Variants in LRRTM4 observed in about 807,000 individuals in gnomAD.
LRRTM4 encodes the protein leucine rich repeat transmembrane neuronal 4, also known as leucine-rich repeat transmembrane neuronal protein 4.
LRRTM4 carries 25 observed loss-of-function variants against 47.6 expected under a neutral mutation model. The observed-to-expected ratio is 0.53, with a 90% confidence interval of 0.38 to 0.73. The LOEUF is 0.73. LRRTM4 is among the 30% of genes least tolerant of loss of function. The pLI is 0.00. For synonymous variants in LRRTM4, 311 were observed against 269.5 expected, an observed-to-expected ratio of 1.15 and a Z score of -1.51; for missense variants, 638 against 713.4, an observed-to-expected ratio of 0.89 and a Z score of 1.20.
At position 77,131,473 on chromosome 2, in the gene LRRTM4, A is replaced by G. The variant is rs78622465; in HGVS notation, c.1552-382557T>C. Among the ~76,000 whole-genome samples, 1,463 of 152,326 alleles carry G rather than the reference A, an allele frequency of 9.6e-3. 20 individuals carry two copies. The highest frequency in any genetic ancestry group is 0.037 in the Middle Eastern group (11 of 294). ...GATGGAGTTAGCCTGTCTTTTGCTC[A>G]GTAATATAAACACATGTGTTTGGGA... On this transcript the variant is annotated intron_variant, in intron 3 of 3. Coordinates refer to ENST00000409884, the MANE Select transcript of LRRTM4 (RefSeq NM_001134745.3).
chr2:77,389,881 C>G (rs1336151226), intron 3 of LRRTM4, among the ~76,000 whole-genome samples: 1 of 151,956 alleles, frequency 6.6e-6, no homozygotes, highest in Admixed American at 6.6e-5. Flanking sequence ...TTATGTGAAT[C>G]TAATGGAGAG....
At chr2:77,206,882 G>A (rs769423869) in intron 3 of LRRTM4, among the ~76,000 whole-genome samples, 5 of 151,918 alleles carry the variant, frequency 3.3e-5, no homozygotes, top group Admixed American at 6.6e-5. Context: ...TTAAGGCAGC[G>A]TGGGTCACAT....
intron 3 of LRRTM4, among the ~76,000 whole-genome samples, chr2:77,042,421 T>A (rs1679065347): frequency 6.6e-6 from 1 of 151,600 alleles, no homozygotes; most frequent in Non-Finnish European, 1.5e-5. Context: ...AAAAAGTTAT[T>A]TTTTAAAAAG....
intron 3 of LRRTM4, among the ~76,000 whole-genome samples, chr2:77,076,622 G>A (rs1259288916): frequency 1.3e-5 from 2 of 152,144 alleles, no homozygotes; most frequent in Non-Finnish European, 2.9e-5. Context: ...TTGAAATGAA[G>A]CATGGTTAAT....
chr2:76,969,060 T>C (rs545245873), intron 3 of LRRTM4, among the ~76,000 whole-genome samples: 45 of 151,936 alleles, frequency 3.0e-4, no homozygotes, highest in Non-Finnish European at 5.9e-4. Flanking sequence ...TATTACTCTC[T>C]ATTTCACTTT....
At chr2:76,832,219 G>C (rs1299684787) in intron 3 of LRRTM4, among the ~76,000 whole-genome samples, 1 of 151,990 alleles carries the variant, frequency 6.6e-6, no homozygotes, top group Non-Finnish European at 1.5e-5. Flanking sequence ...TCACCAATTT[G>C]ATTCTAAGCA....
At chr2:77,347,280 G>A (rs1325893030) in intron 3 of LRRTM4, among the ~76,000 whole-genome samples, 2 of 152,124 alleles carry the variant, frequency 1.3e-5, no homozygotes, top group Admixed American at 6.6e-5. Flanking sequence ...AATATCCCTT[G>A]TCATTGTGTC....
intron 3 of LRRTM4, among the ~76,000 whole-genome samples, chr2:76,942,618 T>C (rs1208604998): frequency 2.0e-5 from 3 of 151,452 alleles, no homozygotes; most frequent in African/African-American, 7.3e-5. Context: ...TGAATACTGG[T>C]TCTATGTTTT....
intron 3 of LRRTM4, among the ~76,000 whole-genome samples, chr2:77,121,844 G>C (rs773387429): frequency 2.0e-5 from 3 of 151,820 alleles, no homozygotes; most frequent in Non-Finnish European, 4.4e-5. Flanking sequence ...ACCACTGTGT[G>C]GTGACCTCCC....
intron 3 of LRRTM4, among the ~76,000 whole-genome samples, chr2:77,259,446 T>G (rs1035723488): frequency 1.1e-4 from 17 of 152,160 alleles, no homozygotes; most frequent in African/African-American, 3.9e-4. Context: ...TTCAACAGCA[T>G]TTTTGAGGGC....
chr2:77,441,156 A>G (rs1447858405), intron 3 of LRRTM4, among the ~76,000 whole-genome samples: 1 of 152,202 alleles, frequency 6.6e-6, no homozygotes, highest in Non-Finnish European at 1.5e-5. Context: ...GATCTGGTAT[A>G]ATTTCTTCAA....
intron 3 of LRRTM4, among the ~76,000 whole-genome samples, chr2:76,845,471 C>T (rs1295279824): frequency 4.6e-5 from 7 of 151,902 alleles, no homozygotes; most frequent in Non-Finnish European, 1.0e-4. Context: ...AAACAAGGTG[C>T]AGTAACGTGA....
intron 3 of LRRTM4, among the ~76,000 whole-genome samples, chr2:76,854,450 C>T (rs1337660562): frequency 6.6e-6 from 1 of 151,970 alleles, no homozygotes; most frequent in Admixed American, 6.6e-5. Context: ...GACCAAAATA[C>T]AAAGCTATGA....
chr2:77,378,793 C>G (rs1291745744), intron 3 of LRRTM4, among the ~76,000 whole-genome samples: 1 of 152,070 alleles, frequency 6.6e-6, no homozygotes, highest in Non-Finnish European at 1.5e-5. Flanking sequence ...CTCATGTGCA[C>G]AATGGACCCT....
At chr2:77,011,116 A>C (rs886184680) in intron 3 of LRRTM4, among the ~76,000 whole-genome samples, 2 of 152,176 alleles carry the variant, frequency 1.3e-5, no homozygotes, top group African/African-American at 4.8e-5. Context: ...ATGAGGCACA[A>C]GTATAATTTA....
chr2:76,906,645 G>A (rs1240640738), intron 3 of LRRTM4, among the ~76,000 whole-genome samples: 1 of 152,056 alleles, frequency 6.6e-6, no homozygotes, highest in South Asian at 2.1e-4. Context: ...TAAAAGGATG[G>A]AGGAAGATCT....
At chr2:77,090,378 T>C (rs1670568267) in intron 3 of LRRTM4, among the ~76,000 whole-genome samples, 1 of 152,002 alleles carries the variant, frequency 6.6e-6, no homozygotes, top group South Asian at 2.1e-4. Context: ...CCCTAAAAGG[T>C]CAAAAGGTCG....
rs75615775 is a variant in LRRTM4 at position 77,027,321 on chromosome 2, G to A, written c.1552-278405C>T. ...TAAAGGTTATAAAGGTAGAGGAGAT[G>A]AATTAAATAAAAAAAGAACTCATAA... On this transcript the variant is annotated intron_variant, in intron 3 of 3. Transcript: ENST00000409884. Among the ~76,000 whole-genome samples the A allele has an allele frequency of 5.9e-5, 9 of 152,156 alleles. No homozygotes were observed. The East Asian group carries it at 1.7e-3, about 29-fold the overall frequency.
rs181673127 is a variant in LRRTM4 at position 77,159,469 on chromosome 2, T to C, written c.1551+358849A>G. ...CACACCAACATGGCACACATATACA[T>C]ATGTAACAAACCTGCATGTTGTGCA... On this transcript the variant is annotated intron_variant, in intron 3 of 3. Coordinates refer to ENST00000409884, the MANE Select transcript of LRRTM4 (RefSeq NM_001134745.3). 2.7e-5 allele frequency among the ~76,000 whole-genome samples: 4 copies of C among 147,870 alleles called. No homozygotes were observed. In the East Asian group the frequency reaches 6.0e-4, roughly 22 times the overall value.
Sources: allele counts gnomAD v4.1 joint callset (sites outside exome capture counted in the v4.1 genomes callset), GRCh38; gene constraint gnomAD v4.1.1; transcripts MANE v1.5; gene names NCBI Gene and HGNC (gene_info 2026-07-23, HGNC 2026-07-21).